VPS13B: variants seen among roughly 807,000 people sequenced by gnomAD.
VPS13B encodes the protein vacuolar protein sorting 13 homolog B.
In VPS13B, 285 loss-of-function variants were observed where a neutral mutation model predicts 426.4. The observed-to-expected ratio is 0.67, with a 90% CI of 0.61 to 0.74. The LOEUF (loss-of-function observed/expected upper bound fraction) is 0.74. Ranked by LOEUF, VPS13B falls within the 30% of genes least tolerant of loss-of-function variation. The probability of loss-of-function intolerance (pLI) is 0.00; values close to 1 mark genes in which losing one functional copy is unlikely to be tolerated. For missense variants in VPS13B, 4,537 were observed against 4,782.6 expected, an observed-to-expected ratio of 0.95 and a Z score of 1.51; for synonymous variants, 1,676 against 1,676.4, an observed-to-expected ratio of 1.00 and a Z score of 0.01.
At chr8:99,801,100 C>T (rs1813098818) in intron 43 of VPS13B, among the ~76,000 whole-genome samples, 1 of 152,128 alleles carries the variant, frequency 6.6e-6, no homozygotes, top group Non-Finnish European at 1.5e-5. Context: ...GTATCAATCC[C>T]TGGTGTTTAT....
chr8:99,744,610 C>T (rs1378643937), intron 39 of VPS13B, among the ~76,000 whole-genome samples: 1 of 152,126 alleles, frequency 6.6e-6, no homozygotes, highest in Non-Finnish European at 1.5e-5. Context: ...GAAAATGTGG[C>T]ACGTATACAC....
chr8:99,044,084 C>CTTTTTTT (rs5893476), intron 3 of VPS13B, among the ~76,000 whole-genome samples: 28 of 98,926 alleles, frequency 2.8e-4, no homozygotes, highest in South Asian at 6.9e-4. Flanking sequence ...TTCTTTCTTT[C>CTTTTTTT]TTTTTTTTTT....
intron 33 of VPS13B, among the ~76,000 whole-genome samples, chr8:99,591,078 T>C (rs1374280336): frequency 3.3e-5 from 5 of 152,098 alleles, no homozygotes; most frequent in Non-Finnish European, 7.4e-5. Flanking sequence ...TTGATCCCTT[T>C]ACCATTATGT....
At chr8:99,781,407 T>G (rs1563914851) in intron 42 of VPS13B, among the ~76,000 whole-genome samples, 1 of 152,180 alleles carries the variant, frequency 6.6e-6, no homozygotes, top group Non-Finnish European at 1.5e-5. Context: ...TGACACTCCA[T>G]GAAACTTAAA....
In VPS13B at chr8:99,149,694, C is replaced by T. The variant is rs1026668088; in HGVS notation, c.2013+1684C>T. 4.6e-5 allele frequency among the ~76,000 whole-genome samples: 7 copies of T among 151,430 alleles called. No homozygotes were observed. The South Asian group carries it at 6.3e-4, about 14-fold the overall frequency. On this transcript the variant is annotated intron_variant, in intron 14 of 61. Coordinates refer to ENST00000357162, the MANE Select transcript of VPS13B (RefSeq NM_152564.5). ...TCAGGGGTCCCCAACTCCTGGGATG[C>T]GGACCAGTACTGGTCAGTTGCCTTT...
chr8:99,562,139 C>T (rs994079168), intron 31 of VPS13B, among the ~76,000 whole-genome samples: 6 of 152,156 alleles, frequency 3.9e-5, no homozygotes, highest in Admixed American at 3.9e-4. Flanking sequence ...CATCATCCTA[C>T]TGGGTGTGAG....
intron 40 of VPS13B, among the ~76,000 whole-genome samples, chr8:99,767,493 C>CAAAAAA (rs869220303): frequency 2.7e-4 from 9 of 33,318 alleles, no homozygotes; most frequent in Admixed American, 3.9e-4. Context: ...GCAACTCTCT[C>CAAAAAA]AAAAAAAAAA....
rs1342426888 is a variant in VPS13B, at chr8:99,360,168, T to TTCTC, written c.2825-24037_2825-24036insCTCT. On this transcript the variant is annotated intron_variant, in intron 19 of 61. Coordinates refer to ENST00000357162, the MANE Select transcript of VPS13B (RefSeq NM_152564.5). ...TTTCTTTCTTTCTTTCTTTCTTTCT[T>TTCTC]TCTTTCTTTCTTTCTTTCTTTCTCT... Among the ~76,000 whole-genome samples the TTCTC allele has an allele frequency of 1.1e-3, 45 of 40,846 alleles. 3 individuals carry two copies. Among genetic ancestry groups the TTCTC allele is most frequent in the African/African-American group, 5.0e-3 (44 of 8,750 alleles). The allele number at this position is 40,846 out of a possible 152,430, so 26.8% of individuals were successfully genotyped here.
intron 19 of VPS13B, among the ~76,000 whole-genome samples, chr8:99,307,084 A>T (rs1465396778): frequency 6.6e-6 from 1 of 152,116 alleles, no homozygotes; most frequent in South Asian, 2.1e-4. Context: ...ACTGCTGATA[A>T]AACTGTGGAT....
At chr8:99,481,933 G>A in intron 25 of VPS13B, 131 bp downstream of exon 25, 1 of 1,090,572 alleles carries the variant, frequency 9.2e-7, no homozygotes, top group Admixed American at 2.1e-5. Context: ...AAGAGGAGCT[G>A]TGGCAGCAGT....
At chr8:99,726,760 T>G (rs1401128784) in intron 39 of VPS13B, among the ~76,000 whole-genome samples, 1 of 152,226 alleles carries the variant, frequency 6.6e-6, no homozygotes, top group Non-Finnish European at 1.5e-5. Flanking sequence ...TTCACCATGT[T>G]GGCCAGGCTG....
At chr8:99,044,106 A>T (rs1843096314) in intron 3 of VPS13B, among the ~76,000 whole-genome samples, 2 of 79,708 alleles carry the variant, frequency 2.5e-5, no homozygotes, top group African/African-American at 4.9e-5. Flanking sequence ...TTTTTTTGAG[A>T]CGGAGTCTGC....
At chr8:99,220,011 A>C (rs954637714) in intron 17 of VPS13B, among the ~76,000 whole-genome samples, 18 of 152,190 alleles carry the variant, frequency 1.2e-4, no homozygotes, top group Admixed American at 1.2e-3. Flanking sequence ...GGCAAATCAG[A>C]ATTTTTTTCT....
chr8:99,442,008 TA>T (rs1817703661), intron 22 of VPS13B, among the ~76,000 whole-genome samples: 1 of 152,142 alleles, frequency 6.6e-6, no homozygotes, highest in Non-Finnish European at 1.5e-5. Context: ...TAAATTCACG[TA>T]AAAATAGCCC....
At chr8:99,225,404 G>A (rs1040493627) in intron 17 of VPS13B, among the ~76,000 whole-genome samples, 1 of 152,008 alleles carries the variant, frequency 6.6e-6, no homozygotes, top group African/African-American at 2.4e-5. Context: ...AGCCTCCCGA[G>A]TAGCTGGGAC....
Position 99,818,728 on chromosome 8 carries a change from CTT to C in VPS13B, c.8465_8466del (p.Phe2822TyrfsTer23). 6.2e-7 allele frequency: 1 copy of C among 1,613,840 alleles called. No homozygotes were observed. Among genetic ancestry groups the C allele is most frequent in the Non-Finnish European group, 8.5e-7 (1 of 1,179,918 alleles). The stretch of plus-strand genomic sequence containing the variant: ...ATTTTTATAGATTGTGTTCAGCCCT[CTT>C]TTTATCATGAGGAGTCATCTTCCAG... ...VQQRMIVFSP[L>X]FIMRSHLPDP... On this transcript the variant is annotated frameshift_variant, in exon 47 of 62. Transcript: ENST00000357162. LOFTEE classifies it high-confidence loss of function.
chr8:99,624,019 T>G (rs1302610065), intron 33 of VPS13B, among the ~76,000 whole-genome samples: 2 of 106,852 alleles, frequency 1.9e-5, no homozygotes, highest in Non-Finnish European at 2.0e-5. Context: ...TTTTTTTTTT[T>G]TTTTTTTTTT....
Position 99,502,924 on chromosome 8 carries a change from T to C in VPS13B, c.4131T>C (p.Ser1377=). Residue 1377 remains serine, a synonymous_variant, in exon 27 of 62, where the codon AGT becomes AGC. Coordinates refer to ENST00000357162, the MANE Select transcript of VPS13B (RefSeq NM_152564.5). ...VYTKVKCKIE[S]FNIDHYRSRP... ...CCAAAGTGAAATGTAAAATAGAGAG[T>C]TTCAATATTGATCACTATAGAAGCA... The C allele has an allele frequency of 6.2e-7, 1 of 1,611,040 alleles. No homozygotes were observed. Among genetic ancestry groups the C allele is most frequent in the Non-Finnish European group, 8.5e-7 (1 of 1,177,710 alleles).
intron 25 of VPS13B, among the ~76,000 whole-genome samples, chr8:99,484,875 T>C (rs1170331995): frequency 2.6e-5 from 4 of 151,674 alleles, no homozygotes; most frequent in Admixed American, 1.3e-4. Flanking sequence ...GAGATAATGC[T>C]TGTAAAATAC....
Sources: allele counts gnomAD v4.1 joint callset (sites outside exome capture counted in the v4.1 genomes callset), GRCh38; gene constraint gnomAD v4.1.1; transcripts MANE v1.5; gene names NCBI Gene and HGNC (gene_info 2026-07-23, HGNC 2026-07-21).